The following TMEM229B variants were observed in gnomAD, a reference collection of about 807,000 sequenced individuals.
The protein encoded by TMEM229B is transmembrane protein 229B.
A neutral mutation model predicts 13.7 loss-of-function variants in TMEM229B; 6 were observed. The observed-to-expected ratio is 0.44, with a 90% CI of 0.24 to 0.86. The LOEUF (loss-of-function observed/expected upper bound fraction) is 0.86, where lower values mean the gene tolerates loss of function less well. Among genes scored for constraint, TMEM229B ranks in the 40% least tolerant of loss-of-function variants. TMEM229B has a pLI of 0.23. For missense variants in TMEM229B, 170 were observed against 236.0 expected (o/e 0.72, Z 1.83); for synonymous variants, 107 against 102.1 (o/e 1.05, Z -0.29).
At chr14:67,508,969 C>A (rs924664570) in intron 1 of TMEM229B, among the ~76,000 whole-genome samples, 2 of 151,852 alleles carry the variant, frequency 1.3e-5, no homozygotes, top group African/African-American at 4.8e-5. Flanking sequence ...TAATGATGGG[C>A]AGGGAAAGGC....
chr14:67,492,752 T>G (rs2032220118), upstream of TMEM229B, among the ~76,000 whole-genome samples: 1 of 152,216 alleles, frequency 6.6e-6, no homozygotes. Flanking sequence ...CAAGAAGTCC[T>G]GTGGTAGCTG....
At chr14:67,510,214 G>A (rs75902233) in intron 1 of TMEM229B, among the ~76,000 whole-genome samples, 1 of 152,124 alleles carries the variant, frequency 6.6e-6, no homozygotes, top group Non-Finnish European at 1.5e-5. Flanking sequence ...CCTAATAAAT[G>A]GTGATTGTCA....
At chr14:67,529,138 T>A (rs10483797) in intron 1 of TMEM229B, among the ~76,000 whole-genome samples, 12,538 of 152,196 alleles carry the variant, frequency 0.082, 653 homozygotes, top group Middle Eastern at 0.14. Context: ...GGCAGGCCCT[T>A]TATCTCCATC....
intron 1 of TMEM229B, among the ~76,000 whole-genome samples, chr14:67,531,910 C>CA (rs5809352): frequency 0.026 from 2,041 of 79,464 alleles, 62 homozygotes; most frequent in African/African-American, 0.075. Flanking sequence ...AACCTATGTC[C>CA]AAAAAAAAAA....
At chr14:67,495,585 C>T (rs555573490) in intron 1 of TMEM229B, among the ~76,000 whole-genome samples, 10 of 152,010 alleles carry the variant, frequency 6.6e-5, no homozygotes, top group African/African-American at 1.7e-4. Context: ...CAGATTCAAG[C>T]GATTCTCCTG....
intron 1 of TMEM229B, among the ~76,000 whole-genome samples, chr14:67,530,265 C>A (rs537734970): frequency 2.0e-4 from 30 of 152,284 alleles, no homozygotes; most frequent in Admixed American, 1.1e-3. Flanking sequence ...TTTCAACAAC[C>A]CTAAGAGGCC....
intron 1 of TMEM229B, among the ~76,000 whole-genome samples, chr14:67,501,960 G>A (rs1223488258): frequency 6.6e-6 from 1 of 152,136 alleles, no homozygotes; most frequent in Non-Finnish European, 1.5e-5. Context: ...AAATCTTTTG[G>A]TTTTATAGTG....
At position 67,525,076 on chromosome 14, in the gene TMEM229B, T is replaced by C. The variant is rs79438088; in HGVS notation, c.-192+8560A>G. Among the ~76,000 whole-genome samples the C allele has an allele frequency of 1.9e-3, 296 of 152,328 alleles. 1 individual carries two copies. In the Middle Eastern group the frequency reaches 0.024, roughly 12 times the overall value. On this transcript the variant is annotated intron_variant, in intron 1 of 2. Coordinates refer to the TMEM229B transcript ENST00000554278. The stretch of plus-strand genomic sequence containing the variant: ...AATACTTTTAAAACATTTTAATAGC[T>C]TTATTAGAAAAATGATTCATACTCC...
At chr14:67,500,384 G>C (rs886450320) in intron 1 of TMEM229B, among the ~76,000 whole-genome samples, 12 of 152,032 alleles carry the variant, frequency 7.9e-5, no homozygotes, top group African/African-American at 2.9e-4. Context: ...TGAGACAGGA[G>C]AATCTCTTGA....
chr14:67,491,629 G>T (rs955199327), upstream of TMEM229B, among the ~76,000 whole-genome samples: 4 of 152,194 alleles, frequency 2.6e-5, no homozygotes, highest in Non-Finnish European at 5.9e-5. Context: ...CCTGACCCAG[G>T]TGCCCACAAA....
At position 67,473,990 on chromosome 14, in the gene TMEM229B, C is replaced by A; in HGVS notation, c.-18-49G>T. 5.4e-6 allele frequency: 8 copies of A among 1,488,842 alleles called. No individual in the cohort carries two copies. The highest frequency in any genetic ancestry group is 7.1e-6 in the Non-Finnish European group (8 of 1,120,216). 92.2% of individuals were successfully genotyped at this position (1,488,842 alleles called of 1,614,324 possible). ...GGTGAGGGCCGGGCGCGGTGGCTCA[C>A]GCCTATAATCCCTGCGCTTTGGGAG... On this transcript the variant is annotated intron_variant, in intron 2 of 2. Transcript: ENST00000554480. The surrounding 1 kb of genome is among the most constrained non-coding windows in gnomAD (Gnocchi z 6.5).
chr14:67,521,677 T>G (rs1017582683), intron 1 of TMEM229B, among the ~76,000 whole-genome samples: 8 of 152,102 alleles, frequency 5.3e-5, no homozygotes, highest in African/African-American at 1.9e-4. Context: ...CATAAAGCAT[T>G]AAGACATTAA....
chr14:67,489,851 G>A (rs894497403), upstream of TMEM229B, among the ~76,000 whole-genome samples: 2 of 152,210 alleles, frequency 1.3e-5, no homozygotes, highest in Admixed American at 6.5e-5. Flanking sequence ...TTAGCCAGGT[G>A]TGATGGTGGG....
At chr14:67,484,689 T>C in intron 2 of TMEM229B, among the ~76,000 whole-genome samples, 1 of 152,098 alleles carries the variant, frequency 6.6e-6, no homozygotes, top group Non-Finnish European at 1.5e-5. Flanking sequence ...TTTGGGAGGC[T>C]GAGGCGGGAG....
In TMEM229B at chr14:67,505,219, A is replaced by G. The variant is rs550081277; in HGVS notation, c.-192+9867T>C. 7.2e-5 allele frequency among the ~76,000 whole-genome samples: 11 copies of G among 152,234 alleles called. 1 individual carries two copies. The South Asian group carries it at 2.3e-3, about 32-fold the overall frequency. ...GTATAGAGGGTCAGAATGGGCAGAGACTGGGGAAAAATCTTTGTGGAGGAA... is the reference window on the plus strand; with the variant it reads ...GTATAGAGGGTCAGAATGGGCAGAGGCTGGGGAAAAATCTTTGTGGAGGAA... On this transcript the variant is annotated intron_variant, in intron 1 of 2. Coordinates refer to the TMEM229B transcript ENST00000357461.
intron 2 of TMEM229B, among the ~76,000 whole-genome samples, chr14:67,480,647 C>A (rs1040118900): frequency 6.6e-6 from 1 of 152,158 alleles, no homozygotes; most frequent in African/African-American, 2.4e-5. Flanking sequence ...CCAACTCAGG[C>A]CCCATGACCT....
At chr14:67,515,914 TG>T (rs2033190728), upstream of TMEM229B, among the ~76,000 whole-genome samples, 1 of 152,258 alleles carries the variant, frequency 6.6e-6, no homozygotes, top group Non-Finnish European at 1.5e-5. Flanking sequence ...CTGAGGCCTA[TG>T]GAAGTTAAGG....
intron 1 of TMEM229B, among the ~76,000 whole-genome samples, chr14:67,531,976 T>C (rs1447045608): frequency 2.0e-5 from 3 of 147,234 alleles, no homozygotes; most frequent in Non-Finnish European, 3.0e-5. Context: ...CCAGAGAACG[T>C]GTTTTTGGGC....
intron 1 of TMEM229B, among the ~76,000 whole-genome samples, chr14:67,512,542 G>A (rs372636239): frequency 1.3e-5 from 2 of 152,142 alleles, no homozygotes; most frequent in East Asian, 3.8e-4. Flanking sequence ...AGATGGGGGA[G>A]GAGAAAAGTA....
Sources: allele counts gnomAD v4.1 joint callset (sites outside exome capture counted in the v4.1 genomes callset), GRCh38; gene constraint gnomAD v4.1.1; non-coding constraint Gnocchi (gnomAD v3.1); transcripts MANE v1.5; gene names NCBI Gene and HGNC (gene_info 2026-07-23, HGNC 2026-07-21).